SYNE2: variants seen among roughly 807,000 people sequenced by gnomAD.
SYNE2 encodes the protein nesprin-2.
A neutral mutation model predicts 856.3 loss-of-function variants in SYNE2; 431 were observed. The ratio of observed to expected loss-of-function variants is 0.50; its 90% CI spans 0.47 to 0.55. The LOEUF is 0.55. Ranked by LOEUF, SYNE2 falls within the 20% of genes least tolerant of loss-of-function variation. The pLI, the probability that SYNE2 is intolerant of heterozygous loss-of-function variation, is 0.00. For missense variants in SYNE2, 8,129 were observed against 8,023.2 expected (o/e 1.01, Z -0.50); for synonymous variants, 2,923 against 2,872.3 (o/e 1.02, Z -0.56).
chr14:64,159,589 T>G, intron 87 of SYNE2, 147 bp downstream of exon 87: 1 of 923,636 alleles, frequency 1.1e-6, no homozygotes, highest in Non-Finnish European at 1.7e-6. Flanking sequence ...TTGATGAATC[T>G]AGTCTATGTA....
At chr14:64,171,041 T>C (rs983162964) in intron 94 of SYNE2, among the ~76,000 whole-genome samples, 6 of 152,204 alleles carry the variant, frequency 3.9e-5, no homozygotes, top group African/African-American at 1.4e-4. Context: ...TTATTGGACA[T>C]TGCATGCCTA....
Position 64,108,578 on chromosome 14 carries a change from A to T in SYNE2, c.12609+971A>T, listed in dbSNP as rs111529411. On this transcript the variant is annotated intron_variant, in intron 65 of 115. Transcript: ENST00000555002. Reference sequence around the variant, plus strand: ...TCTCATCAAATAGCTCCTATAAAAGATATTGGCATGTTTTTGCTGTTTTTA... The same window carrying T: ...TCTCATCAAATAGCTCCTATAAAAGTTATTGGCATGTTTTTGCTGTTTTTA... 7.8e-3 allele frequency among the ~76,000 whole-genome samples: 1,187 copies of T among 152,098 alleles called. 13 individuals carry two copies. Among genetic ancestry groups the T allele is most frequent in the African/African-American group, 0.026 (1,096 of 41,478 alleles).
chr14:64,074,880 C>CA (rs34470891), intron 53 of SYNE2, among the ~76,000 whole-genome samples: 105,360 of 147,820 alleles, frequency 0.71, 40,043 homozygotes, highest in East Asian at 0.84. Context: ...GGCTCCATCT[C>CA]AAAAAAAAAA....
chr14:63,822,791 C>T (rs144220810), intron 1 of SYNE2, among the ~76,000 whole-genome samples: 61 of 152,226 alleles, frequency 4.0e-4, no homozygotes, highest in African/African-American at 1.3e-3. Context: ...AAATTTATAA[C>T]GGTAGACACC....
intron 96 of SYNE2, among the ~76,000 whole-genome samples, chr14:64,178,040 C>T (rs369409122): frequency 1.3e-5 from 2 of 152,316 alleles, no homozygotes; most frequent in East Asian, 3.9e-4. Flanking sequence ...CCCAGGTCAG[C>T]AACTCCCTGC....
At chr14:63,995,740 T>TCTAC (rs1276725011) in intron 23 of SYNE2, among the ~76,000 whole-genome samples, 1 of 64,122 alleles carries the variant, frequency 1.6e-5, no homozygotes, top group African/African-American at 1.1e-4. Flanking sequence ...CATCTATCTA[T>TCTAC]CTATCTATCT....
Position 64,052,409 on chromosome 14 carries a change from G to C in SYNE2, c.8496G>C (p.Lys2832Asn), listed in dbSNP as rs1421484025. The C allele has an allele frequency of 6.2e-7, 1 of 1,613,368 alleles. No individual in the cohort carries two copies. The highest frequency in any genetic ancestry group is 2.2e-5 in the East Asian group (1 of 44,880). The stretch of plus-strand genomic sequence containing the variant: ...AAAGATCACAGCAATTAGAATTTAA[G>C]TTGGAAGAAAGAAGCAATTTTTTTG... The part of the protein sequence containing the change: ...STQRSQQLEF[K>N]LEERSNFFAI... The change falls in exon 48 of 116, where the codon AAG becomes AAC. Residue 2832 changes from lysine (K) to asparagine (N), a missense_variant. Physicochemically the swap from Lys to Asn is moderately conservative, Grantham distance 94. Around this residue, in one of 3 missense-constraint regions of SYNE2, gnomAD observed 5,410 missense variants for 5,284.8 expected, o/e 1.02. Coordinates refer to ENST00000555002, the MANE Select transcript of SYNE2 (RefSeq NM_182914.3).
intron 1 of SYNE2, among the ~76,000 whole-genome samples, chr14:63,868,012 T>C (rs532846011): frequency 3.9e-4 from 59 of 152,190 alleles, no homozygotes; most frequent in Admixed American, 1.9e-3. Flanking sequence ...ATCATGCCAC[T>C]GCACTCTAGC....
intron 1 of SYNE2, chr14:63,873,843 C>G (rs2094648228): frequency 6.6e-6 from 1 of 152,216 alleles, no homozygotes; most frequent in South Asian, 2.1e-4. Context: ...AGGACGGCGG[C>G]TGTTGCTCAG....
rs571325046 is a variant in SYNE2, at chr14:64,040,594, A to C, written c.7222-7406A>C. Among the ~76,000 whole-genome samples, 6 of 55,668 alleles carry C rather than the reference A, an allele frequency of 1.1e-4. No homozygotes were observed. The South Asian group carries it at 4.1e-3, about 38-fold the overall frequency. 36.5% of individuals were successfully genotyped at this position (55,668 alleles called of 152,430 possible). Reference sequence around the variant, plus strand: ...TATCCCCTACTGTAGAAGTGAGGTTAAAAATATATATATATATATATGTAT... The same window carrying C: ...TATCCCCTACTGTAGAAGTGAGGTTCAAAATATATATATATATATATGTAT... On this transcript the variant is annotated intron_variant, in intron 45 of 115. Transcript: ENST00000555002.
At chr14:64,011,925 C>T (rs924417086) in intron 32 of SYNE2, among the ~76,000 whole-genome samples, 1 of 152,180 alleles carries the variant, frequency 6.6e-6, no homozygotes, top group Non-Finnish European at 1.5e-5. Flanking sequence ...TCGTTAGCTC[C>T]TCTGTGGCTA....
chr14:63,988,607 A>G (rs2096643524), intron 19 of SYNE2, among the ~76,000 whole-genome samples: 1 of 152,134 alleles, frequency 6.6e-6, no homozygotes, highest in Non-Finnish European at 1.5e-5. Flanking sequence ...TATCATACCC[A>G]TGTATATTAG....
At chr14:63,770,806 G>A (rs1485839653) in intron 1 of SYNE2, among the ~76,000 whole-genome samples, 1 of 152,050 alleles carries the variant, frequency 6.6e-6, no homozygotes, top group African/African-American at 2.4e-5. Context: ...GTGAGCCACT[G>A]TGCCCAACCA....
intron 1 of SYNE2, among the ~76,000 whole-genome samples, chr14:63,771,528 G>A (rs1424217196): frequency 6.6e-6 from 1 of 152,150 alleles, no homozygotes; most frequent in Admixed American, 6.6e-5. Context: ...AACATATGTG[G>A]GAATTTCTTG....
rs765735025 is a variant in SYNE2, at chr14:64,225,310, T to A, written c.20517-9T>A. The A allele has an allele frequency of 6.2e-7, 1 of 1,614,132 alleles. No homozygotes were observed. Among genetic ancestry groups the A allele is most frequent in the Non-Finnish European group, 8.5e-7 (1 of 1,180,020 alleles). On this transcript the variant is annotated splice_polypyrimidine_tract_variant and intron_variant, in intron 115 of 115. Transcript: ENST00000555002. The stretch of plus-strand genomic sequence containing the variant: ...CTCCCAATCAGCTCTCAACCTCCTC[T>A]GTTGGCAGGGTCCCCGGCAGCACAC...
At position 64,225,126 on chromosome 14, in the gene SYNE2, A is replaced by G. The variant is rs1567706815; in HGVS notation, c.20516+81A>G. 12 of 1,574,484 alleles carry G rather than the reference A, an allele frequency of 7.6e-6. No individual in the cohort carries two copies. In the East Asian group the frequency reaches 2.0e-4, roughly 26 times the overall value. Reference sequence around the variant, plus strand: ...CTCAGTCTTGCCAATGCCACTATCAAGGTCCTTGCAAAAATCTGGTTTTCT... The same window carrying G: ...CTCAGTCTTGCCAATGCCACTATCAGGGTCCTTGCAAAAATCTGGTTTTCT... On this transcript the variant is annotated intron_variant, in intron 115 of 115. Coordinates refer to ENST00000555002, the MANE Select transcript of SYNE2 (RefSeq NM_182914.3).
intron 54 of SYNE2, 132 bp downstream of exon 54, chr14:64,076,232 C>A: frequency 1.1e-6 from 1 of 937,426 alleles, no homozygotes; most frequent in Non-Finnish European, 1.6e-6. Flanking sequence ...AAGTGACCAT[C>A]GTGTCTATTG....
chr14:64,133,553 C>T (rs1211411419), intron 77 of SYNE2, among the ~76,000 whole-genome samples: 2 of 152,102 alleles, frequency 1.3e-5, no homozygotes, highest in African/African-American at 4.8e-5. Flanking sequence ...GTTGTCCTCC[C>T]CTGATGAAGT....
Position 63,810,234 on chromosome 14 carries a change from AAGAG to A in SYNE2, c.-304-42255_-304-42252del, listed in dbSNP as rs753245037. Among the ~76,000 whole-genome samples the A allele has an allele frequency of 1.4e-3, 218 of 150,574 alleles. 2 individuals carry two copies. Among genetic ancestry groups the A allele is most frequent in the Admixed American group, 2.6e-4 (4 of 15,168 alleles). ...TAAGACTCTTTCTCAAAAAAAAAAAAAGAGAGAGAGAGAGAAAGAAAAAAGAAAG... is the reference window on the plus strand; with the variant it reads ...TAAGACTCTTTCTCAAAAAAAAAAAAAGAGAGAGAGAAAGAAAAAAGAAAG... On this transcript the variant is annotated intron_variant, in intron 1 of 23. Transcript: ENST00000674003.
Sources: allele counts gnomAD v4.1 joint callset (sites outside exome capture counted in the v4.1 genomes callset), GRCh38; gene constraint gnomAD v4.1.1; regional missense constraint gnomAD v4.1.1; transcripts MANE v1.5; gene names NCBI Gene and HGNC (gene_info 2026-07-23, HGNC 2026-07-21).